The following CHI3L1 variants were observed in gnomAD, a reference collection of about 807,000 sequenced individuals.
CHI3L1 encodes chitinase-3-like protein 1.
CHI3L1 carries 30 observed loss-of-function variants against 40.7 expected under a neutral mutation model. The observed-to-expected ratio is 0.74, with a 90% CI of 0.55 to 1.00. The LOEUF is 1.00. Among genes scored for constraint, CHI3L1 ranks in the 50% least tolerant of loss-of-function variants. The pLI, the probability that CHI3L1 is intolerant of heterozygous loss-of-function variation, is 0.00. For missense variants in CHI3L1, 493 were observed against 492.2 expected, an observed-to-expected ratio of 1.00 and a Z score of -0.01; for synonymous variants, 210 against 192.1, an observed-to-expected ratio of 1.09 and a Z score of -0.77.
chr1:203,183,577 T>A (rs1655991210), intron 5 of CHI3L1, 64 bp downstream of exon 5: 5 of 1,576,918 alleles, frequency 3.2e-6, no homozygotes, highest in Non-Finnish European at 4.4e-6. Flanking sequence ...TGACGCCGGC[T>A]TCTAGCCCAC....
At chr1:203,183,426 C>T (rs1405902522) in intron 5 of CHI3L1, among the ~76,000 whole-genome samples, 1 of 152,132 alleles carries the variant, frequency 6.6e-6, no homozygotes, top group Non-Finnish European at 1.5e-5. Context: ...CACAACCTTC[C>T]ACCTCTTAGA....
chr1:203,186,615 C>T lies in CHI3L1; in HGVS notation c.9G>A (p.Val3=). The change falls in exon 1 of 10, where the codon GTG becomes GTA. Residue 3 remains valine (V), a synonymous_variant. Transcript: ENST00000255409. Reference sequence around the variant, plus strand: ...CCCAGATACCTGTTTGAGACGCCTTCACACCCATTCTGGCTGCAGCAGAGC... The same window carrying T: ...CCCAGATACCTGTTTGAGACGCCTTTACACCCATTCTGGCTGCAGCAGAGC... MG[V]KASQTGFVVL... is the part of the protein sequence containing the mutation. 6.2e-7 allele frequency: 1 copy of T among 1,614,144 alleles called. No homozygotes were observed. Among genetic ancestry groups the T allele is most frequent in the Non-Finnish European group, 8.5e-7 (1 of 1,180,016 alleles).
chr1:203,182,855 A>T lies in CHI3L1; in HGVS notation c.466-3T>A, dbSNP rs748715310. 1 of 1,613,968 alleles carries T rather than the reference A, an allele frequency of 6.2e-7. No individual in the cohort carries two copies. The highest frequency in any genetic ancestry group is 8.5e-7 in the Non-Finnish European group (1 of 1,179,962). The stretch of plus-strand genomic sequence containing the variant: ...TTTATAAATTCGGCCTTCATTTCCT[A>T]GATGGGAGACAGGCAGGTGAGAGAA... On this transcript the variant is annotated splice_region_variant and splice_polypyrimidine_tract_variant and intron_variant, in intron 5 of 9. Coordinates refer to ENST00000255409, the MANE Select transcript of CHI3L1 (RefSeq NM_001276.4).
intron 8 of CHI3L1, 80 bp downstream of exon 8, chr1:203,180,390 G>T: frequency 7.6e-7 from 1 of 1,315,088 alleles, no homozygotes. Flanking sequence ...AGGAGAAAAA[G>T]CAAGAACGTG....
chr1:203,180,490 C>G lies in CHI3L1; in HGVS notation c.874G>C (p.Gly292Arg), dbSNP rs761621393. Reference protein sequence around the residue: ...GIPGRFTKEAGTLAYYEICDF... With the variant: ...GIPGRFTKEARTLAYYEICDF... ...ATTACCTCATAGTAGGCAAGGGTCC[C>G]TGCCTCCTTGGTGAACCGGCCTGGA... The change falls in exon 8 of 10, where the codon GGG becomes CGG. Residue 292 changes from glycine (G) to arginine (R), a missense_variant. Coordinates refer to ENST00000255409, the MANE Select transcript of CHI3L1 (RefSeq NM_001276.4). The G allele has an allele frequency of 1.3e-6, 2 of 1,597,318 alleles. No individual in the cohort carries two copies. Among genetic ancestry groups the G allele is most frequent in the Non-Finnish European group, 1.7e-6 (2 of 1,173,920 alleles).
chr1:203,179,405 G>T lies in CHI3L1; in HGVS notation c.*40C>A. On this transcript the variant is annotated 3_prime_UTR_variant, in exon 10 of 10. Transcript: ENST00000255409. Reference sequence around the variant, plus strand: ...CGGCCAGCTGGAGCCAGAGGGGGACGGGGCATCCTTGGCCCCCGTGCTGTG... The same window carrying T: ...CGGCCAGCTGGAGCCAGAGGGGGACTGGGCATCCTTGGCCCCCGTGCTGTG... 2 of 1,499,478 alleles carry T rather than the reference G, an allele frequency of 1.3e-6. No individual in the cohort carries two copies. The highest frequency in any genetic ancestry group is 8.9e-7 in the Non-Finnish European group (1 of 1,119,418). The allele number at this position is 1,499,478 out of a possible 1,614,324, so 92.9% of individuals were successfully genotyped here. A position where few individuals can be genotyped will look rare whatever the true frequency, so the allele number is the denominator to read the frequency against.
At chr1:203,185,412 C>G (rs535252526) in intron 2 of CHI3L1, 27 bp from the exon 3 acceptor site, 1 of 1,608,344 alleles carries the variant, frequency 6.2e-7, no homozygotes, top group East Asian at 2.2e-5. Context: ...GGATGGGGCC[C>G]GGGCCAGGAT....
chr1:203,185,257 T>G lies in CHI3L1; in HGVS notation c.184A>C (p.Ser62Arg). ...TCCCAGGTGTCGATGTGATCGTTGC[T>G]TATATTGGCAAAGCTGTAGATGATG... Reference protein sequence around the residue: ...THIIYSFANISNDHIDTWEWN... With the variant: ...THIIYSFANIRNDHIDTWEWN... The change falls in exon 3 of 10, where the codon AGC (serine) becomes CGC (arginine). Residue 62 changes from serine (S) to arginine (R), a missense_variant. Transcript: ENST00000255409. 6.2e-7 allele frequency: 1 copy of G among 1,614,166 alleles called. No homozygotes were observed. Among genetic ancestry groups the G allele is most frequent in the Non-Finnish European group, 8.5e-7 (1 of 1,180,010 alleles).
At chr1:203,180,010 G>A in intron 8 of CHI3L1, 133 bp from the exon 9 acceptor site, 1 of 778,596 alleles carries the variant, frequency 1.3e-6, no homozygotes, top group South Asian at 1.7e-5. Context: ...AGGGTCTGCA[G>A]GCTGCATGCA....
intron 1 of CHI3L1, 91 bp downstream of exon 1, chr1:203,186,508 A>T (rs1656059071): frequency 6.4e-7 from 1 of 1,570,826 alleles, no homozygotes; most frequent in Non-Finnish European, 8.7e-7. Flanking sequence ...CCACTCCCTT[A>T]GTCCCTCACC....
In CHI3L1 at chr1:203,180,526, C is replaced by A. The variant is rs1185017091; in HGVS notation, c.838G>T (p.Gly280Ter). The stretch of plus-strand genomic sequence containing the variant: ...GTGAACCGGCCTGGAATTCCCGGTC[C>A]TGAGATTGGGGCTCCAACACCAGTC... ...SETGVGAPIS[G>*]PGIPGRFTKE... The change falls in exon 8 of 10, where the codon GGA becomes TGA. Residue 280 changes from glycine to a stop codon, truncating the protein, a stop_gained. Transcript: ENST00000255409. LOFTEE classifies it high-confidence loss of function. 1 of 1,610,626 alleles carries A rather than the reference C, an allele frequency of 6.2e-7. No homozygotes were observed. The highest frequency in any genetic ancestry group is 8.5e-7 in the Non-Finnish European group (1 of 1,178,868).
intron 8 of CHI3L1, 186 bp from the exon 9 acceptor site, chr1:203,180,063 G>C: frequency 1.6e-6 from 1 of 617,392 alleles, no homozygotes. Flanking sequence ...ACCCAGAGAT[G>C]GTGGCTGCCT....
rs1178678344 is a variant in CHI3L1 at position 203,182,782 on chromosome 1, G to A, written c.536C>T (p.Ser179Phe). 6.2e-7 allele frequency: 1 copy of A among 1,614,174 alleles called. No individual in the cohort carries two copies. Among genetic ancestry groups the A allele is most frequent in the Admixed American group, 1.7e-5 (1 of 60,030 alleles). The change falls in exon 6 of 10, where the codon TCT (serine) becomes TTT (phenylalanine). Residue 179 changes from serine to phenylalanine, a missense_variant. By Grantham distance (155) the Ser-to-Phe change is radical (BLOSUM62 -2). Transcript: ENST00000255409. ...KKQLLLSAALSAGKVTIDSSY... is the reference protein window; with the variant it reads ...KKQLLLSAALFAGKVTIDSSY... Reference sequence around the variant, plus strand: ...GCTGTCAATGGTGACCTTCCCCGCAGACAGTGCTGCGCTGAGCAGGAGCTG... The same window carrying A: ...GCTGTCAATGGTGACCTTCCCCGCAAACAGTGCTGCGCTGAGCAGGAGCTG...
Position 203,185,310 on chromosome 1 carries a change from T to C in CHI3L1, c.131A>G (p.Asp44Gly), listed in dbSNP as rs1656033474. The C allele has an allele frequency of 6.2e-7, 1 of 1,614,082 alleles. No individual in the cohort carries two copies. The highest frequency in any genetic ancestry group is 1.3e-5 in the African/African-American group (1 of 74,918). The change falls in exon 3 of 10, where the codon GAT becomes GGT. Residue 44 changes from aspartate to glycine, a missense_variant. Coordinates refer to ENST00000255409, the MANE Select transcript of CHI3L1 (RefSeq NM_001276.4). ...YREGDGSCFP[D>G]ALDRFLCTHI... ...GGTACAGAGGAAGCGGTCAAGGGCA[T>C]CTGGGAAGCAGCTCCCATCGCCTTC... is the stretch of plus-strand genomic sequence containing the variant.
chr1:203,186,423 A>AGC, intron 1 of CHI3L1, 78 bp from the exon 2 acceptor site: 2 of 1,320,878 alleles, frequency 1.5e-6, no homozygotes, highest in Non-Finnish European at 2.1e-6. Flanking sequence ...AGCAACTGAG[A>AGC]CCCACCTCCC....
chr1:203,184,213 A>T (rs895712771), intron 4 of CHI3L1, among the ~76,000 whole-genome samples: 1 of 150,766 alleles, frequency 6.6e-6, no homozygotes, highest in Admixed American at 6.6e-5. Flanking sequence ...TAATCCAAAG[A>T]CTCCTCCCAG....
rs768046504 is a variant in CHI3L1 at position 203,181,260 on chromosome 1, T to A, written c.613A>T (p.Thr205Ser). The change falls in exon 7 of 10, where the codon ACC (threonine) becomes TCC (serine). Residue 205 changes from threonine (T) to serine (S), a missense_variant. By Grantham distance (58) the Thr-to-Ser change is moderately conservative. Coordinates refer to ENST00000255409, the MANE Select transcript of CHI3L1 (RefSeq NM_001276.4). ...CGCCAGGCTCCATGAAAATCGTAGG[T>A]CATGATGCTAATGAAATCCAGGTGT... ...SQHLDFISIM[T>S]YDFHGAWRGT... 8.1e-6 allele frequency: 13 copies of A among 1,613,760 alleles called. No individual in the cohort carries two copies. Among genetic ancestry groups the A allele is most frequent in the African/African-American group, 1.3e-5 (1 of 74,860 alleles).
At chr1:203,184,697 C>T in intron 3 of CHI3L1, 65 bp from the exon 4 acceptor site, 1 of 1,438,600 alleles carries the variant, frequency 7.0e-7, no homozygotes, top group Non-Finnish European at 9.8e-7. Flanking sequence ...CTGGGTGGCC[C>T]CATGTCTGAG....
chr1:203,180,024 C>T (rs975608250), intron 8 of CHI3L1, 147 bp from the exon 9 acceptor site: 3 of 712,400 alleles, frequency 4.2e-6, no homozygotes, highest in Non-Finnish European at 7.0e-6. Context: ...GCATGCATCA[C>T]ACAAGTTTAT....
Sources: gnomAD v4.1 joint callset for allele counts (sites outside exome capture counted in the v4.1 genomes callset) on GRCh38, gnomAD v4.1.1 for gene constraint, MANE v1.5 for transcripts, NCBI Gene and HGNC (gene_info 2026-07-23, HGNC 2026-07-21) for gene names.